CSNK2A2IP: variants seen among roughly 807,000 people sequenced by gnomAD.
CSNK2A2IP encodes casein kinase II subunit alpha'-interacting protein.
chr3:88,446,421 T>A, the CSNK2A2IP span, among the ~76,000 whole-genome samples: 3,155 of 152,214 alleles, frequency 0.021, 102 homozygotes, highest in African/African-American at 0.066. Flanking sequence ...TTTTCCCAGA[T>A]CTTCAGTTAC....
the CSNK2A2IP span, chr3:88,467,263 T>A: frequency 5.0e-6 from 2 of 401,340 alleles, no homozygotes; most frequent in African/African-American, 2.1e-5. Context: ...CTCTTCTGAC[T>A]CCTCTTCTTC....
At chr3:88,397,006 C>T in the CSNK2A2IP span, among the ~76,000 whole-genome samples, 1 of 152,076 alleles carries the variant, frequency 6.6e-6, no homozygotes, top group South Asian at 2.1e-4. Flanking sequence ...GGGATGGCGT[C>T]AGTGTGCCAA....
At chr3:88,378,969 A>T in the CSNK2A2IP span, among the ~76,000 whole-genome samples, 2 of 152,080 alleles carry the variant, frequency 1.3e-5, no homozygotes, top group African/African-American at 4.8e-5. Context: ...TATCATAAAA[A>T]CTTGCCCTCA....
chr3:88,458,982 G>A, the CSNK2A2IP span, among the ~76,000 whole-genome samples: 1 of 152,100 alleles, frequency 6.6e-6, no homozygotes, highest in Non-Finnish European at 1.5e-5. Flanking sequence ...ATATCAGTTA[G>A]CTCAAGTTAG....
chr3:88,352,549 G>C, the CSNK2A2IP span, among the ~76,000 whole-genome samples: 1 of 151,822 alleles, frequency 6.6e-6, no homozygotes, highest in Non-Finnish European at 1.5e-5. Flanking sequence ...AAGAAATATT[G>C]AATCTGAAAA....
the CSNK2A2IP span, among the ~76,000 whole-genome samples, chr3:88,406,916 T>C: frequency 6.6e-6 from 1 of 152,182 alleles, no homozygotes; most frequent in East Asian, 1.9e-4. Context: ...AGCCCCACTC[T>C]CATGTGGCCG....
the CSNK2A2IP span, among the ~76,000 whole-genome samples, chr3:88,434,685 C>T: frequency 6.6e-6 from 1 of 152,124 alleles, no homozygotes; most frequent in Non-Finnish European, 1.5e-5. Context: ...AGTTTCCCCA[C>T]CCAATGCTAC....
chr3:88,454,679 T>A, the CSNK2A2IP span, among the ~76,000 whole-genome samples: 3 of 152,032 alleles, frequency 2.0e-5, no homozygotes, highest in Admixed American at 6.6e-5. Context: ...AAGTTATATG[T>A]ATTTAGGGTT....
chr3:88,465,408 C>T, the CSNK2A2IP span: 10 of 1,231,558 alleles, frequency 8.1e-6, no homozygotes, highest in Non-Finnish European at 1.0e-5. Context: ...TAGACTACTT[C>T]TACCAACTGT....
the CSNK2A2IP span, among the ~76,000 whole-genome samples, chr3:88,390,791 T>C: frequency 6.6e-6 from 1 of 152,208 alleles, no homozygotes; most frequent in Non-Finnish European, 1.5e-5. Flanking sequence ...TTGGAAAATT[T>C]AGGTTTCTGC....
the CSNK2A2IP span, among the ~76,000 whole-genome samples, chr3:88,365,766 A>G: frequency 6.6e-6 from 1 of 152,102 alleles, no homozygotes; most frequent in Non-Finnish European, 1.5e-5. Context: ...CTTGTAACAG[A>G]GGAATGTACG....
chr3:88,462,600 A>T, the CSNK2A2IP span, among the ~76,000 whole-genome samples: 1 of 152,210 alleles, frequency 6.6e-6, no homozygotes, highest in Non-Finnish European at 1.5e-5. Flanking sequence ...GGCATTCTAC[A>T]GAAAACAGTG....
the CSNK2A2IP span, among the ~76,000 whole-genome samples, chr3:88,386,406 G>A: frequency 2.6e-4 from 39 of 152,300 alleles, no homozygotes; most frequent in African/African-American, 8.4e-4. Flanking sequence ...GATTACCGGC[G>A]TGAGCCAGCG....
chr3:88,357,416 T>C, the CSNK2A2IP span, among the ~76,000 whole-genome samples: 1 of 152,142 alleles, frequency 6.6e-6, no homozygotes, highest in African/African-American at 2.4e-5. Context: ...TTCTGTTCCA[T>C]TAGTGTTGCT....
At chr3:88,404,833 T>G in the CSNK2A2IP span, among the ~76,000 whole-genome samples, 1 of 152,032 alleles carries the variant, frequency 6.6e-6, no homozygotes, top group African/African-American at 2.4e-5. Context: ...CTAAAGTTTC[T>G]TAAAGCTTCT....
the CSNK2A2IP span, among the ~76,000 whole-genome samples, chr3:88,413,575 C>T: frequency 6.6e-5 from 10 of 151,872 alleles, no homozygotes; most frequent in South Asian, 6.2e-4. Flanking sequence ...AGTACATTCA[C>T]GCCTACTTTT....
At chr3:88,342,025 T>C in the CSNK2A2IP span, among the ~76,000 whole-genome samples, 1 of 152,032 alleles carries the variant, frequency 6.6e-6, no homozygotes, top group Non-Finnish European at 1.5e-5. Context: ...TATACTAGTA[T>C]AAATTTTTTT....
the CSNK2A2IP span, among the ~76,000 whole-genome samples, chr3:88,455,430 T>C: frequency 6.6e-6 from 1 of 151,988 alleles, no homozygotes; most frequent in South Asian, 2.1e-4. Context: ...TCATTGTAGT[T>C]TTTGATTTTC....
At chr3:88,407,572 C>T in the CSNK2A2IP span, among the ~76,000 whole-genome samples, 1 of 152,042 alleles carries the variant, frequency 6.6e-6, no homozygotes, top group Non-Finnish European at 1.5e-5. Flanking sequence ...ACCCTCCAGG[C>T]AAGTGGTGAC....
Sources: allele counts gnomAD v4.1 joint callset (sites outside exome capture counted in the v4.1 genomes callset), GRCh38; gene constraint gnomAD v4.1.1; transcripts MANE v1.5; gene names NCBI Gene and HGNC (gene_info 2026-07-23, HGNC 2026-07-21).